PKLR: variants seen among roughly 807,000 people sequenced by gnomAD.
PKLR encodes the protein pyruvate kinase PKLR.
In PKLR, 38 loss-of-function variants were observed where a neutral mutation model predicts 53.6. The ratio of observed to expected loss-of-function variants is 0.71; its 90% CI spans 0.55 to 0.93. PKLR has a LOEUF of 0.93. PKLR is among the 40% of genes least tolerant of loss of function. The pLI is 0.00. For synonymous variants in PKLR, 328 were observed against 316.2 expected, an observed-to-expected ratio of 1.04 and a Z score of -0.39; for missense variants, 702 against 787.3, an observed-to-expected ratio of 0.89 and a Z score of 1.30.
In PKLR at chr1:155,293,660, C is replaced by G. The variant is rs766401884; in HGVS notation, c.1117-70G>C. The stretch of plus-strand genomic sequence containing the variant: ...ACTGGGGACCCTGCCCAAGCTACTT[C>G]TCTGACACCCACACTCTCAGAGTGT... On this transcript the variant is annotated intron_variant, in intron 7 of 10. Transcript: ENST00000342741. This position sits in a 1 kb window ranked among gnomAD's most constrained non-coding sequence, Gnocchi z 4.2. 6.7e-6 allele frequency: 10 copies of G among 1,498,218 alleles called. No homozygotes were observed. Among genetic ancestry groups the G allele is most frequent in the Non-Finnish European group, 9.3e-6 (10 of 1,078,778 alleles). The allele number at this position is 1,498,218 out of a possible 1,614,324, so 92.8% of individuals were successfully genotyped here. A position where few individuals can be genotyped will look rare whatever the true frequency, so the allele number is the denominator to read the frequency against.
Position 155,293,164 on chromosome 1 carries a change from A to C in PKLR, c.1436+13T>G. Reference sequence around the variant, plus strand: ...CCAAAGCTCCATCTGGACATTCCCAATATCCCCCTCACCGGCCAGTTGTGG... The same window carrying C: ...CCAAAGCTCCATCTGGACATTCCCACTATCCCCCTCACCGGCCAGTTGTGG... On this transcript the variant is annotated intron_variant, in intron 9 of 10. Transcript: ENST00000342741. This position sits in a 1 kb window ranked among gnomAD's most constrained non-coding sequence, Gnocchi z 4.2. The C allele has an allele frequency of 6.2e-7, 1 of 1,613,886 alleles. No individual in the cohort carries two copies. The highest frequency in any genetic ancestry group is 8.5e-7 in the Non-Finnish European group (1 of 1,179,896).
rs543772817 is a variant in PKLR, at chr1:155,294,127, C to G, written c.1116+108G>C. On this transcript the variant is annotated intron_variant, in intron 7 of 10. Coordinates refer to ENST00000342741, the MANE Select transcript of PKLR (RefSeq NM_000298.6). ...CAGCCTGGATGACAGAGTGAGACTC[C>G]GTCTCAAAAAACAAAACAAAACAAA... 831 of 1,257,330 alleles carry G rather than the reference C, an allele frequency of 6.6e-4. 9 individuals are homozygous for G. In the South Asian group the frequency reaches 9.4e-3, roughly 14 times the overall value. 77.9% of individuals were successfully genotyped at this position (1,257,330 alleles called of 1,614,324 possible). A position where few individuals can be genotyped will look rare whatever the true frequency, so the allele number is the denominator to read the frequency against.
chr1:155,308,508 A>C, the PKLR span: 2 of 961,068 alleles, frequency 2.1e-6, no homozygotes, highest in Non-Finnish European at 2.5e-6. Context: ...GCCTAAAGTT[A>C]GAGAACTAAT....
rs1166870100 is a variant in PKLR at position 155,294,731 on chromosome 1, T to TGG, written c.714_715dup (p.Gln239ProfsTer15). ...GCCCAGGACGCCGCCGTTCTCCACTTGGGTCACCAGTCCCTCTGGGCCTGC... is the reference window on the plus strand; with the variant it reads ...GCCCAGGACGCCGCCGTTCTCCACTTGGGGGTCACCAGTCCCTCTGGGCCTGC... On this transcript the variant is annotated frameshift_variant, in exon 6 of 11. Transcript: ENST00000342741. LOFTEE classifies it high-confidence loss of function. The TGG allele has an allele frequency of 6.2e-7, 1 of 1,613,970 alleles. No homozygotes were observed. Among genetic ancestry groups the TGG allele is most frequent in the Admixed American group, 1.7e-5 (1 of 60,020 alleles).
chr1:155,293,445 T>G lies in PKLR; in HGVS notation c.1262A>C (p.Gln421Pro). ...TTCATTCTGAGCTCCTACCGCATGC[T>G]GCATCTTCACCGCTTCCACAGGGAA... is the stretch of plus-strand genomic sequence containing the variant. ...GNFPVEAVKM[Q>P]HAIAREAEAA... The change falls in exon 8 of 11, where the codon CAG becomes CCG. Residue 421 changes from glutamine to proline, a missense_variant. By Grantham distance (76) the Gln-to-Pro change is moderately conservative (BLOSUM62 -1). Transcript: ENST00000342741. The surrounding 1 kb of genome is among the most constrained non-coding windows in gnomAD (Gnocchi z 4.2). The G allele has an allele frequency of 6.2e-7, 1 of 1,614,252 alleles. No individual in the cohort carries two copies. Among genetic ancestry groups the G allele is most frequent in the Non-Finnish European group, 8.5e-7 (1 of 1,180,036 alleles).
chr1:155,296,118 C>T (rs1052642215), intron 2 of PKLR, among the ~76,000 whole-genome samples: 2 of 152,104 alleles, frequency 1.3e-5, no homozygotes, highest in Non-Finnish European at 1.5e-5. Context: ...CGTTTGGGTG[C>T]GGGCTTTTAG....
At chr1:155,301,129 G>A in intron 1 of PKLR, 167 bp downstream of exon 1, 1 of 1,367,122 alleles carries the variant, frequency 7.3e-7, no homozygotes, top group Middle Eastern at 1.8e-4. Flanking sequence ...AAAGACCCAG[G>A]CCAGGGTCCA....
chr1:155,295,635 C>A lies in PKLR; in HGVS notation c.375+30G>T. 6.2e-7 allele frequency: 1 copy of A among 1,613,956 alleles called. No individual in the cohort carries two copies. ...CAGGACCTCGAGGCATCCTCCTGCC[C>A]CACCCACTGCCCGGCGGCCCGTCCC... On this transcript the variant is annotated intron_variant, in intron 3 of 10. Coordinates refer to ENST00000342741, the MANE Select transcript of PKLR (RefSeq NM_000298.6). This position sits in a 1 kb window ranked among gnomAD's most constrained non-coding sequence, Gnocchi z 4.3.
Position 155,298,392 on chromosome 1 carries a change from G to A in PKLR, c.283+1706C>T, listed in dbSNP as rs1447977112. Among the ~76,000 whole-genome samples, 11 of 149,624 alleles carry A rather than the reference G, an allele frequency of 7.4e-5. 1 individual carries two copies. The South Asian group carries it at 1.5e-3, about 20-fold the overall frequency. On this transcript the variant is annotated intron_variant, in intron 2 of 10. Transcript: ENST00000342741. ...TGCCCAGGCTGGGGTGCAATGGCAC[G>A]ATCTTGGCTCACCGCAACCTCCGCC...
rs1041802075 is a variant in PKLR at position 155,298,686 on chromosome 1, A to T, written c.283+1412T>A. 6.1e-5 allele frequency among the ~76,000 whole-genome samples: 9 copies of T among 147,734 alleles called. 1 individual carries two copies. Among genetic ancestry groups the T allele is most frequent in the African/African-American group, 2.3e-4 (9 of 39,460 alleles). ...AACAGAGTTTCGCTCTTGTTGCCCA[A>T]ACTGGAGTGCAATGGCGTGATCTTG... On this transcript the variant is annotated intron_variant, in intron 2 of 10. Coordinates refer to ENST00000342741, the MANE Select transcript of PKLR (RefSeq NM_000298.6).
chr1:155,302,111 G>A (rs750890236), upstream of PKLR, among the ~76,000 whole-genome samples: 1 of 149,138 alleles, frequency 6.7e-6, no homozygotes, highest in South Asian at 2.1e-4. Flanking sequence ...AGGCTGGAGT[G>A]CAGTGGCGCA....
rs199824528 is a variant in PKLR, at chr1:155,295,439, C to A, written c.505G>T (p.Gly169Trp). ...GPEIRTGILQ[G>W]GPESEVELVK... ...CGAGTCCCAGCCCCACTGCTCACCC[C>A]CTGCAGGATCCCAGTGCGGATCTCC... The change falls in exon 4 of 11, where the codon GGG becomes TGG. Residue 169 changes from glycine (G) to tryptophan (W), a missense_variant and splice_region_variant. Coordinates refer to ENST00000342741, the MANE Select transcript of PKLR (RefSeq NM_000298.6). This position sits in a 1 kb window ranked among gnomAD's most constrained non-coding sequence, Gnocchi z 4.3. The A allele has an allele frequency of 9.0e-4, 1,448 of 1,609,646 alleles. No homozygotes were observed. Among genetic ancestry groups the A allele is most frequent in the Non-Finnish European group, 1.2e-3 (1,375 of 1,178,138 alleles).
At chr1:155,301,492 G>A, upstream of PKLR, 3 of 1,562,650 alleles carry the variant, frequency 1.9e-6, no homozygotes, top group Non-Finnish European at 2.6e-6. Flanking sequence ...GAAGAGAAAA[G>A]GGGCACACCC....
At position 155,291,797 on chromosome 1, in the gene PKLR, GC is replaced by G. The variant is rs1390621660; in HGVS notation, c.1576del (p.Ala526GlnfsTer4). The G allele has an allele frequency of 6.2e-7, 1 of 1,614,118 alleles. No individual in the cohort carries two copies. Among genetic ancestry groups the G allele is most frequent in the Non-Finnish European group, 8.5e-7 (1 of 1,179,994 alleles). ...TTGCACCCGGCGATCTACATCATCT[GC>G]CCAGATGGCTTCTGGAGGTTCACGG... ...LYREPPEAIW[A>X]DDVDRRVQFG... On this transcript the variant is annotated frameshift_variant, in exon 10 of 11. Coordinates refer to ENST00000342741, the MANE Select transcript of PKLR (RefSeq NM_000298.6). LOFTEE classifies it high-confidence loss of function.
In PKLR at chr1:155,290,611, G is replaced by A. The variant is rs140859641; in HGVS notation, c.1686C>T (p.Ser562=). The change falls in exon 11 of 11, where the codon TCC becomes TCT. Residue 562 remains serine (S), a synonymous_variant. Transcript: ENST00000342741. ...VIVVTGWRPG[S]GYTNIMRVLS... Reference sequence around the variant, plus strand: ...GCACCCGCATGATGTTGGTGTAGCCGGAGCCAGGTCGCCAGCCTGTCACCA... The same window carrying A: ...GCACCCGCATGATGTTGGTGTAGCCAGAGCCAGGTCGCCAGCCTGTCACCA... 651 of 1,613,214 alleles carry A rather than the reference G, an allele frequency of 4.0e-4. 11 individuals are homozygous for A. The Admixed American group carries it at 7.9e-3, about 20-fold the overall frequency.
Position 155,293,094 on chromosome 1 carries a change from C to A in PKLR, c.1436+83G>T. 6.9e-7 allele frequency: 1 copy of A among 1,439,068 alleles called. No individual in the cohort carries two copies. Among genetic ancestry groups the A allele is most frequent in the Admixed American group, 1.7e-5 (1 of 59,770 alleles). The allele number at this position is 1,439,068 out of a possible 1,614,324, so 89.1% of individuals were successfully genotyped here. ...GGTGGACACTCTTCACCCCTGGTGA[C>A]CAGACTAAACCCAAGCCTGGGGCCC... is the stretch of plus-strand genomic sequence containing the variant. On this transcript the variant is annotated intron_variant, in intron 9 of 10. Coordinates refer to ENST00000342741, the MANE Select transcript of PKLR (RefSeq NM_000298.6). This position sits in a 1 kb window ranked among gnomAD's most constrained non-coding sequence, Gnocchi z 4.2.
At chr1:155,304,187 C>A (rs1442660397), upstream of PKLR, among the ~76,000 whole-genome samples, 1 of 152,112 alleles carries the variant, frequency 6.6e-6, no homozygotes, top group Admixed American at 6.5e-5. Flanking sequence ...AATCCCAGCA[C>A]TTTGGGAGGC....
chr1:155,301,542 C>T (rs987920139), upstream of PKLR: 10 of 972,912 alleles, frequency 1.0e-5, no homozygotes, highest in African/African-American at 6.5e-5. Flanking sequence ...TCCCCCAGAA[C>T]GGCCTGCTCT....
chr1:155,297,009 C>T (rs1647637186), intron 2 of PKLR, among the ~76,000 whole-genome samples: 1 of 152,160 alleles, frequency 6.6e-6, no homozygotes, highest in African/African-American at 2.4e-5. Context: ...CTTCACCTGA[C>T]CTCCAGGGCT....
Sources: allele counts gnomAD v4.1 joint callset (sites outside exome capture counted in the v4.1 genomes callset), GRCh38; gene constraint gnomAD v4.1.1; non-coding constraint Gnocchi (gnomAD v3.1); transcripts MANE v1.5; gene names NCBI Gene and HGNC (gene_info 2026-07-23, HGNC 2026-07-21).